The following OSBPL3 variants were observed in gnomAD, a reference collection of about 807,000 sequenced individuals.
OSBPL3 encodes the protein oxysterol binding protein like 3, also known as oxysterol-binding protein-related protein 3.
A neutral mutation model predicts 120.1 loss-of-function variants in OSBPL3; 65 were observed. That is an observed-to-expected ratio of 0.54 (90% CI 0.44 to 0.67). The LOEUF is 0.67. Ranked by LOEUF, OSBPL3 falls within the 30% of genes least tolerant of loss-of-function variation. The pLI is 0.00. For missense variants in OSBPL3, 1,004 were observed against 1,082.1 expected (o/e 0.93, Z 1.01); for synonymous variants, 416 against 402.6 (o/e 1.03, Z -0.40).
chr7:24,960,935 G>C (rs1171283446), intron 1 of OSBPL3, among the ~76,000 whole-genome samples: 1 of 152,194 alleles, frequency 6.6e-6, no homozygotes, highest in Non-Finnish European at 1.5e-5. Flanking sequence ...TTCGGGAAGT[G>C]GTTCTAATAA....
In OSBPL3 at chr7:24,831,021, T is replaced by G; in HGVS notation, c.1747-116A>C. 2 of 1,066,922 alleles carry G rather than the reference T, an allele frequency of 1.9e-6. No individual in the cohort carries two copies. The highest frequency in any genetic ancestry group is 2.6e-6 in the Non-Finnish European group (2 of 777,230). The allele number at this position is 1,066,922 out of a possible 1,614,324, so 66.1% of individuals were successfully genotyped here. ...TTTCTTTCAGAAAGCCAAAGATTTG[T>G]CTTTGGTTGTTTTTAAACAACATAG... On this transcript the variant is annotated intron_variant, in intron 15 of 22. Transcript: ENST00000313367. The surrounding 1 kb of genome is among the most constrained non-coding windows in gnomAD (Gnocchi z 4.0).
chr7:24,811,556 A>G (rs757836916), intron 19 of OSBPL3, among the ~76,000 whole-genome samples: 1 of 152,174 alleles, frequency 6.6e-6, no homozygotes, highest in Non-Finnish European at 1.5e-5. Flanking sequence ...TTTTGGGGTC[A>G]TATCCAAAAA....
chr7:24,855,763 T>C lies in OSBPL3; in HGVS notation c.1028-3129A>G, dbSNP rs1480659023. 6.6e-6 allele frequency among the ~76,000 whole-genome samples: 1 copy of C among 152,230 alleles called. No homozygotes were observed. The highest frequency in any genetic ancestry group is 2.4e-5 in the African/African-American group (1 of 41,468). ...AGTGCTTTCTTACTTATTTCTAACA[T>C]GAATCTAAGCTTACTAGAGACAAAT... On this transcript the variant is annotated intron_variant, in intron 10 of 22. Coordinates refer to ENST00000313367, the MANE Select transcript of OSBPL3 (RefSeq NM_015550.4). The surrounding 1 kb of genome is among the most constrained non-coding windows in gnomAD (Gnocchi z 4.3).
At chr7:24,810,160 A>G (rs1425765036) in intron 19 of OSBPL3, 9 of 532,984 alleles carry the variant, frequency 1.7e-5, no homozygotes, top group African/African-American at 1.3e-4. Flanking sequence ...AAACATGTAT[A>G]CATTGTGGAA....
At chr7:24,906,441 GT>G in intron 1 of OSBPL3, 1 of 190,436 alleles carries the variant, frequency 5.3e-6, no homozygotes, top group Non-Finnish European at 1.0e-5. Flanking sequence ...TGCAGCCATT[GT>G]TTCGTCCATC....
Position 24,818,977 on chromosome 7 carries a change from G to A in OSBPL3, c.1948+1198C>T, listed in dbSNP as rs1794793473. Among the ~76,000 whole-genome samples the A allele has an allele frequency of 1.3e-5, 2 of 152,112 alleles. No homozygotes were observed. Among genetic ancestry groups the A allele is most frequent in the African/African-American group, 4.8e-5 (2 of 41,398 alleles). Reference sequence around the variant, plus strand: ...TTAAAAAAAAATCCAACTTTTGGCTGGGCGCAGTGGCTCATGCCTGTAATC... The same window carrying A: ...TTAAAAAAAAATCCAACTTTTGGCTAGGCGCAGTGGCTCATGCCTGTAATC... On this transcript the variant is annotated intron_variant, in intron 17 of 22. Coordinates refer to ENST00000313367, the MANE Select transcript of OSBPL3 (RefSeq NM_015550.4). The surrounding 1 kb of genome is among the most constrained non-coding windows in gnomAD (Gnocchi z 4.0).
At chr7:24,903,970 C>G (rs558616106) in intron 1 of OSBPL3, among the ~76,000 whole-genome samples, 41 of 150,082 alleles carry the variant, frequency 2.7e-4, no homozygotes, top group African/African-American at 9.3e-4. Context: ...GCAACCTCTG[C>G]CTCCCAGGTT....
chr7:24,802,442 T>C lies in OSBPL3; in HGVS notation c.2567+1873A>G, dbSNP rs536544217. On this transcript the variant is annotated intron_variant, in intron 22 of 22. Coordinates refer to ENST00000313367, the MANE Select transcript of OSBPL3 (RefSeq NM_015550.4). The surrounding 1 kb of genome is among the most constrained non-coding windows in gnomAD (Gnocchi z 4.1). Reference sequence around the variant, plus strand: ...AATACTATGATCATTTTACAGACAGTCAAAAAGAAAAAGAGCAATGGCCGC... The same window carrying C: ...AATACTATGATCATTTTACAGACAGCCAAAAAGAAAAAGAGCAATGGCCGC... Among the ~76,000 whole-genome samples the C allele has an allele frequency of 9.5e-4, 145 of 152,332 alleles. No individual in the cohort carries two copies. The highest frequency in any genetic ancestry group is 3.2e-3 in the African/African-American group (135 of 41,578).
chr7:24,836,375 T>C (rs1456620262), intron 14 of OSBPL3, among the ~76,000 whole-genome samples: 2 of 152,244 alleles, frequency 1.3e-5, no homozygotes, highest in East Asian at 3.8e-4. Flanking sequence ...TCCTGTGTGG[T>C]TTGGAGTGCT....
At chr7:24,961,057 T>C (rs1320527749) in intron 1 of OSBPL3, among the ~76,000 whole-genome samples, 1 of 152,188 alleles carries the variant, frequency 6.6e-6, no homozygotes, top group African/African-American at 2.4e-5. Context: ...GTTCATGTAA[T>C]GATTTTTTTA....
intron 22 of OSBPL3, 96 bp from the exon 23 acceptor site, chr7:24,800,375 A>C: frequency 1.5e-6 from 1 of 681,420 alleles, no homozygotes; most frequent in Non-Finnish European, 2.7e-6. Context: ...CCCCATCCTC[A>C]TTCCCACATG....
In OSBPL3 at chr7:24,883,260, G is replaced by A. The variant is rs750963530; in HGVS notation, c.96+9117C>T. Among the ~76,000 whole-genome samples the A allele has an allele frequency of 6.6e-6, 1 of 152,158 alleles. No individual in the cohort carries two copies. Among genetic ancestry groups the A allele is most frequent in the Non-Finnish European group, 1.5e-5 (1 of 68,026 alleles). On this transcript the variant is annotated intron_variant, in intron 2 of 22. Coordinates refer to ENST00000313367, the MANE Select transcript of OSBPL3 (RefSeq NM_015550.4). The surrounding 1 kb of genome is among the most constrained non-coding windows in gnomAD (Gnocchi z 5.4). ...ACAGCTGAACTTGACGGTAGGGCCA[G>A]GGTGTAGGTTTTAGAGGGATATCAG...
rs1359797307 is a variant in OSBPL3, at chr7:24,817,790, A to C, written c.1949-1102T>G. 6.6e-6 allele frequency among the ~76,000 whole-genome samples: 1 copy of C among 152,126 alleles called. No individual in the cohort carries two copies. The highest frequency in any genetic ancestry group is 1.5e-5 in the Non-Finnish European group (1 of 67,948). Reference sequence around the variant, plus strand: ...GTGAGTGAGCCCAGAAATACTAAAGAAGAAGAAATAGGCACTAGGTCAACT... The same window carrying C: ...GTGAGTGAGCCCAGAAATACTAAAGCAGAAGAAATAGGCACTAGGTCAACT... On this transcript the variant is annotated intron_variant, in intron 17 of 22. Coordinates refer to ENST00000313367, the MANE Select transcript of OSBPL3 (RefSeq NM_015550.4). The surrounding 1 kb of genome is among the most constrained non-coding windows in gnomAD (Gnocchi z 4.0).
chr7:24,852,925 G>C lies in OSBPL3; in HGVS notation c.1028-291C>G, dbSNP rs1378384556. Among the ~76,000 whole-genome samples, 1 of 152,090 alleles carries C rather than the reference G, an allele frequency of 6.6e-6. No homozygotes were observed. The highest frequency in any genetic ancestry group is 2.4e-5 in the African/African-American group (1 of 41,404). On this transcript the variant is annotated intron_variant, in intron 10 of 22. Transcript: ENST00000313367. This position sits in a 1 kb window ranked among gnomAD's most constrained non-coding sequence, Gnocchi z 4.1. ...TGGCGGGGGGACGGTGCCTACATGGGAGCAGGGGGCTTATAAAAGCTCTGC... is the reference window on the plus strand; with the variant it reads ...TGGCGGGGGGACGGTGCCTACATGGCAGCAGGGGGCTTATAAAAGCTCTGC...
Position 24,821,281 on chromosome 7 carries a change from G to A in OSBPL3, c.1885-1043C>T, listed in dbSNP as rs1018286786. Among the ~76,000 whole-genome samples, 1 of 152,306 alleles carries A rather than the reference G, an allele frequency of 6.6e-6. No individual in the cohort carries two copies. Among genetic ancestry groups the A allele is most frequent in the African/African-American group, 2.4e-5 (1 of 41,572 alleles). ...AGCCACACCAATAGTCAGGGAAGAG[G>A]TAGCGGTAAGTCCCAGCAGTTTTGG... On this transcript the variant is annotated intron_variant, in intron 16 of 22. Transcript: ENST00000313367. The surrounding 1 kb of genome is among the most constrained non-coding windows in gnomAD (Gnocchi z 5.5).
chr7:24,910,150 G>C, intron 1 of OSBPL3, among the ~76,000 whole-genome samples: 1 of 152,120 alleles, frequency 6.6e-6, no homozygotes. Context: ...ACCCTGGCCT[G>C]AAATAATCCC....
chr7:24,885,887 A>T (rs1176651494), intron 2 of OSBPL3, among the ~76,000 whole-genome samples: 1 of 152,248 alleles, frequency 6.6e-6, no homozygotes, highest in Non-Finnish European at 1.5e-5. Context: ...CATCTTTATC[A>T]AGCTAATCTG....
chr7:24,942,162 T>A (rs1214579351), intron 1 of OSBPL3, among the ~76,000 whole-genome samples: 1 of 152,206 alleles, frequency 6.6e-6, no homozygotes, highest in African/African-American at 2.4e-5. Flanking sequence ...GATGCTTTTT[T>A]TTTTTTTAAC....
chr7:24,928,886 A>G (rs1328169879), intron 1 of OSBPL3, among the ~76,000 whole-genome samples: 2 of 152,164 alleles, frequency 1.3e-5, no homozygotes, highest in Non-Finnish European at 2.9e-5. Flanking sequence ...TGTTGTATAA[A>G]TGCACCACAA....
Sources: allele counts gnomAD v4.1 joint callset (sites outside exome capture counted in the v4.1 genomes callset), GRCh38; gene constraint gnomAD v4.1.1; non-coding constraint Gnocchi (gnomAD v3.1); transcripts MANE v1.5; gene names NCBI Gene and HGNC (gene_info 2026-07-23, HGNC 2026-07-21).